SNED1: variants seen among roughly 807,000 people sequenced by gnomAD.
SNED1 encodes the protein sushi, nidogen and EGF-like domain-containing protein 1.
SNED1 carries 81 observed loss-of-function variants against 166.7 expected under a neutral mutation model. That is an observed-to-expected ratio of 0.49 (90% CI 0.41 to 0.58). The LOEUF is 0.58. Ranked by LOEUF, SNED1 falls within the 20% of genes least tolerant of loss-of-function variation. SNED1 has a pLI of 0.00. For missense variants in SNED1, 1,604 were observed against 2,000.2 expected (o/e 0.80, Z 3.78); for synonymous variants, 762 against 822.0 (o/e 0.93, Z 1.25).
intron 1 of SNED1, among the ~76,000 whole-genome samples, chr2:241,026,009 C>CCTTT (rs2060954046): frequency 1.4e-5 from 1 of 73,574 alleles, no homozygotes; most frequent in Admixed American, 2.5e-4. Flanking sequence ...TTTTCTTTTC[C>CCTTT]TTTTTTTTTT....
At chr2:241,019,983 C>G (rs932631007) in intron 1 of SNED1, among the ~76,000 whole-genome samples, 9 of 152,194 alleles carry the variant, frequency 5.9e-5, no homozygotes, top group African/African-American at 2.2e-4. Flanking sequence ...CTCCCACAAA[C>G]CCTGTTTCTG....
intron 4 of SNED1, 70 bp from the exon 5 acceptor site, chr2:241,036,720 G>C (rs1427485096): frequency 6.3e-7 from 1 of 1,584,140 alleles, no homozygotes; most frequent in Non-Finnish European, 8.6e-7. Context: ...AGGGAGATGC[G>C]GATGGGAGTG....
chr2:241,049,994 C>G lies in SNED1; in HGVS notation c.1735+61C>G, dbSNP rs533343388. On this transcript the variant is annotated intron_variant, in intron 12 of 31. Transcript: ENST00000310397. ...ACCCTGGAGAGCGCCCGCGGTCCGC[C>G]GTCCTGCTTCTCTGCTGTCTCTCTC... 750 of 1,209,830 alleles carry G rather than the reference C, an allele frequency of 6.2e-4. 2 individuals carry two copies. In the Middle Eastern group the frequency reaches 0.013, roughly 21 times the overall value. The allele number at this position is 1,209,830 out of a possible 1,614,324, so 74.9% of individuals were successfully genotyped here. A position where few individuals can be genotyped will look rare whatever the true frequency, so the allele number is the denominator to read the frequency against.
rs767684883 is a variant in SNED1, at chr2:241,053,221, G to A, written c.2152G>A (p.Ala718Thr). The A allele has an allele frequency of 3.1e-6, 5 of 1,609,290 alleles. No individual in the cohort carries two copies. Among genetic ancestry groups the A allele is most frequent in the Non-Finnish European group, 4.2e-6 (5 of 1,179,380 alleles). The change falls in exon 16 of 32, where the codon GCG becomes ACG. Residue 718 changes from alanine to threonine, a missense_variant. This residue lies in a region of SNED1 where 1,237 missense variants were observed against 1,620.8 expected (regional missense o/e 0.76). Transcript: ENST00000310397. Reference protein sequence around the residue: ...TLRFNGTRLGAVALYACDRGY... With the variant: ...TLRFNGTRLGTVALYACDRGY... ...GCGCTTCAACGGCACGCGGCTGGGC[G>A]CGGTGGCCCTGTATGCATGTGACCG...
chr2:241,016,993 C>T (rs1438776703), intron 1 of SNED1, among the ~76,000 whole-genome samples: 1 of 151,796 alleles, frequency 6.6e-6, no homozygotes, highest in Non-Finnish European at 1.5e-5. Flanking sequence ...GCTGGGATTA[C>T]AGGCATGCAC....
chr2:241,048,427 G>T lies in SNED1; in HGVS notation c.1386G>T (p.Leu462=), dbSNP rs766203729. The T allele has an allele frequency of 6.2e-7, 1 of 1,606,340 alleles. No homozygotes were observed. The highest frequency in any genetic ancestry group is 8.5e-7 in the Non-Finnish European group (1 of 1,176,740). The change falls in exon 9 of 32, where the codon CTG becomes CTT. Residue 462 remains leucine (L), a synonymous_variant. Coordinates refer to ENST00000310397, the MANE Select transcript of SNED1 (RefSeq NM_001080437.3). The part of the protein sequence containing the change: ...VCECPEGFMG[L]DCRERVPDDC... ...AGTGCCCCGAAGGCTTCATGGGCCT[G>T]GACTGCAGGGAGAGTGCGTCTGGGC...
chr2:241,070,444 G>A (rs1209712190), intron 24 of SNED1, among the ~76,000 whole-genome samples: 1 of 152,252 alleles, frequency 6.6e-6, no homozygotes, highest in Non-Finnish European at 1.5e-5. Context: ...GCCTCAGTTT[G>A]TGCCGGACCC....
chr2:241,003,916 T>C (rs1366770547), intron 1 of SNED1, among the ~76,000 whole-genome samples: 1 of 152,288 alleles, frequency 6.6e-6, no homozygotes, highest in Non-Finnish European at 1.5e-5. Context: ...TATACTGCCC[T>C]CTGCCTTCTA....
intron 16 of SNED1, among the ~76,000 whole-genome samples, chr2:241,054,280 G>A (rs945478463): frequency 2.0e-5 from 3 of 152,186 alleles, no homozygotes; most frequent in African/African-American, 4.8e-5. Flanking sequence ...TGAAAAGTAC[G>A]ATTGCCTCAG....
At chr2:241,042,155 AT>A (rs2061538319) in intron 8 of SNED1, among the ~76,000 whole-genome samples, 1 of 152,206 alleles carries the variant, frequency 6.6e-6, no homozygotes, top group South Asian at 2.1e-4. Flanking sequence ...AGGAGGGAGC[AT>A]GAGATCAAGA....
intron 30 of SNED1, 114 bp downstream of exon 30, chr2:241,087,589 C>T: frequency 6.9e-7 from 1 of 1,454,274 alleles, no homozygotes; most frequent in Non-Finnish European, 9.1e-7. Flanking sequence ...AGGCGGTCTA[C>T]TCGCCCAGAT....
At chr2:241,074,367 G>A (rs923624486) in intron 27 of SNED1, 1 of 152,060 alleles carries the variant, frequency 6.6e-6, no homozygotes, top group Non-Finnish European at 1.5e-5. Flanking sequence ...TTGTGCATCC[G>A]ACGCAGAGAG....
rs2059985320 is a variant in SNED1, at chr2:240,998,646, T to C, written c.-192T>C. ...CCCGAACGCGGTCCCGCCCGGCGCT[T>C]TCCTCTGCGGAGCTGCGGCGAGAGC... is the stretch of plus-strand genomic sequence containing the variant. On this transcript the variant is annotated 5_prime_UTR_variant, in exon 1 of 32. Coordinates refer to ENST00000310397, the MANE Select transcript of SNED1 (RefSeq NM_001080437.3). 1.3e-5 allele frequency among the ~76,000 whole-genome samples: 2 copies of C among 151,030 alleles called. No homozygotes were observed. The highest frequency in any genetic ancestry group is 1.5e-5 in the Non-Finnish European group (1 of 67,732).
chr2:241,016,525 T>G (rs1319141153), intron 1 of SNED1, among the ~76,000 whole-genome samples: 2 of 152,290 alleles, frequency 1.3e-5, no homozygotes, highest in African/African-American at 4.8e-5. Context: ...TCTTTGTATA[T>G]TGCTGAATCA....
chr2:241,070,860 C>T (rs567839851), intron 24 of SNED1, among the ~76,000 whole-genome samples: 4 of 152,294 alleles, frequency 2.6e-5, no homozygotes, highest in Admixed American at 1.3e-4. Context: ...GAGGCCACGG[C>T]GGGACAGAGC....
At chr2:241,059,723 T>G (rs2125157269) in intron 16 of SNED1, among the ~76,000 whole-genome samples, 1 of 152,338 alleles carries the variant, frequency 6.6e-6, no homozygotes, top group African/African-American at 2.4e-5. Context: ...CAAATTCAAC[T>G]GGTATTTAAA....
At chr2:241,020,315 G>A (rs2060733383) in intron 1 of SNED1, among the ~76,000 whole-genome samples, 1 of 152,224 alleles carries the variant, frequency 6.6e-6, no homozygotes, top group African/African-American at 2.4e-5. Flanking sequence ...AATACTCACT[G>A]GTCTTCTGCT....
At position 240,998,964 on chromosome 2, in the gene SNED1, A is replaced by G; in HGVS notation, c.127A>G (p.Thr43Ala). 7.7e-7 allele frequency: 1 copy of G among 1,305,784 alleles called. No homozygotes were observed. Among genetic ancestry groups the G allele is most frequent in the East Asian group, 3.3e-5 (1 of 29,872 alleles). 80.9% of individuals were successfully genotyped at this position (1,305,784 alleles called of 1,614,324 possible). ...CGGCGCCGAGCGCGGCGACGCCGTC[A>G]CCCCCAAGCAGGACGACGGCGGCTC... Reference protein sequence around the residue: ...PFGAERGDAVTPKQDDGGSGL... With the variant: ...PFGAERGDAVAPKQDDGGSGL... Residue 43 changes from threonine to alanine, a missense_variant, in exon 1 of 32, where the codon ACC becomes GCC. Transcript: ENST00000310397.
chr2:241,081,450 C>G (rs920786659), intron 27 of SNED1, among the ~76,000 whole-genome samples: 1 of 152,188 alleles, frequency 6.6e-6, no homozygotes, highest in African/African-American at 2.4e-5. Context: ...GTAATGAGGT[C>G]AGGGCCGAGC....
Sources: gnomAD v4.1 joint callset for allele counts (sites outside exome capture counted in the v4.1 genomes callset) on GRCh38, gnomAD v4.1.1 for gene constraint, gnomAD v4.1.1 regional missense constraint, MANE v1.5 for transcripts, NCBI Gene and HGNC (gene_info 2026-07-23, HGNC 2026-07-21) for gene names.